Variants in PRRC1 observed in about 807,000 individuals in gnomAD.
PRRC1 encodes protein PRRC1.
A neutral mutation model predicts 40.7 loss-of-function variants in PRRC1; 39 were observed. That is an observed-to-expected ratio of 0.96 (90% CI 0.74 to 1.25). The LOEUF (loss-of-function observed/expected upper bound fraction) is 1.25. PRRC1 is among the 50% of genes most tolerant of loss of function. The probability of loss-of-function intolerance (pLI) is 0.00; values close to 1 mark genes in which losing one functional copy is unlikely to be tolerated. For synonymous variants in PRRC1, 175 were observed against 193.3 expected (o/e 0.91, Z 0.79); for missense variants, 573 against 548.3 (o/e 1.05, Z -0.45).
At chr5:127,548,205 G>T (rs1212091192) in intron 8 of PRRC1, 11 of 520,178 alleles carry the variant, frequency 2.1e-5, no homozygotes, top group Middle Eastern at 4.9e-4. Flanking sequence ...TTCTGGAAAA[G>T]ATTTACCTTT....
chr5:127,518,670 G>A (rs73333154), intron 1 of PRRC1, among the ~76,000 whole-genome samples: 3,038 of 151,828 alleles, frequency 0.02, 99 homozygotes, highest in African/African-American at 0.07. Context: ...TGCTCTTAAT[G>A]CTTTAAAGTT....
chr5:127,524,767 A>G lies in PRRC1; in HGVS notation c.340A>G (p.Thr114Ala), dbSNP rs374637146. The G allele has an allele frequency of 2.4e-4, 394 of 1,613,648 alleles. No individual in the cohort carries two copies. Among genetic ancestry groups the G allele is most frequent in the Non-Finnish European group, 3.2e-4 (379 of 1,179,952 alleles). Residue 114 changes from threonine to alanine, a missense_variant, in exon 3 of 9, where the codon ACT becomes GCT. Transcript: ENST00000296666. ...NPPVSHFPPS[T>A]SAPNTLLPAP... ...TCCTGTATCTCACTTCCCACCTTCA[A>G]CTTCTGCCCCAAACACTCTTTTACC...
At chr5:127,530,231 T>A in intron 4 of PRRC1, 63 bp from the exon 5 acceptor site, 1 of 1,439,812 alleles carries the variant, frequency 6.9e-7, no homozygotes, top group Non-Finnish European at 9.6e-7. Context: ...TTCTTCACAA[T>A]CATGAAGATC....
intron 6 of PRRC1, among the ~76,000 whole-genome samples, chr5:127,537,940 C>T (rs1580941747): frequency 6.6e-6 from 1 of 152,034 alleles, no homozygotes; most frequent in South Asian, 2.1e-4. Flanking sequence ...TATTTGTATT[C>T]TTAACATTGA....
intron 7 of PRRC1, among the ~76,000 whole-genome samples, chr5:127,547,109 TTTA>T (rs1438887980): frequency 1.3e-5 from 2 of 152,128 alleles, no homozygotes; most frequent in African/African-American, 4.8e-5. Flanking sequence ...TTCATATCCT[TTTA>T]TTGTTTAAAT....
chr5:127,550,692 A>G (rs752164099), intron 8 of PRRC1: 6 of 152,224 alleles, frequency 3.9e-5, no homozygotes, highest in South Asian at 2.1e-4. Context: ...TAGGCATGCC[A>G]TAATTTGAGA....
At chr5:127,530,194 G>A in intron 4 of PRRC1, 100 bp from the exon 5 acceptor site, 1 of 824,622 alleles carries the variant, frequency 1.2e-6, no homozygotes, top group South Asian at 1.7e-5. Flanking sequence ...ACTGGTTTAG[G>A]ATGCATTGGA....
intron 1 of PRRC1, among the ~76,000 whole-genome samples, chr5:127,520,162 C>T (rs1767421794): frequency 6.6e-6 from 1 of 152,198 alleles, no homozygotes; most frequent in Admixed American, 6.5e-5. Context: ...TATTCCTAAC[C>T]TCTTCATGCT....
intron 7 of PRRC1, among the ~76,000 whole-genome samples, 170 bp from the exon 8 acceptor site, chr5:127,547,644 CAGAGT>C (rs72094974): frequency 0.3 from 45,407 of 151,382 alleles, 7,072 homozygotes; most frequent in East Asian, 0.54. Context: ...AGAATTAATA[CAGAGT>C]AATTTTATCT....
intron 1 of PRRC1, among the ~76,000 whole-genome samples, chr5:127,521,011 C>T (rs1420041186): frequency 1.3e-5 from 2 of 152,046 alleles, no homozygotes; most frequent in East Asian, 1.9e-4. Flanking sequence ...TTATGCTACC[C>T]TCAGCTTGAA....
chr5:127,529,681 T>C (rs1767713504), intron 4 of PRRC1, among the ~76,000 whole-genome samples: 1 of 152,146 alleles, frequency 6.6e-6, no homozygotes, highest in Non-Finnish European at 1.5e-5. Flanking sequence ...CAAGACTTGG[T>C]TCCTTTTAGT....
In PRRC1 at chr5:127,526,852, A is replaced by G. The variant is rs1767631378; in HGVS notation, c.654+74A>G. On this transcript the variant is annotated intron_variant, in intron 4 of 8. Transcript: ENST00000296666. ...TAGATATTCATTAGAGAAAATATTG[A>G]AAATACAGGATGGCACAAGGAAAAA... is the stretch of plus-strand genomic sequence containing the variant. The G allele has an allele frequency of 4.8e-6, 6 of 1,243,328 alleles. No homozygotes were observed. In the South Asian group the frequency reaches 1.1e-4, roughly 24 times the overall value. The allele number at this position is 1,243,328 out of a possible 1,614,324, so 77.0% of individuals were successfully genotyped here.
rs889955059 is a variant in PRRC1 at position 127,554,858 on chromosome 5, T to A, written c.*2942T>A. ...TTAATATGCTGTTGAATCTACTCTGTTCCTTGGCTAGAAAAAATTATAAAC... is the reference window on the plus strand; with the variant it reads ...TTAATATGCTGTTGAATCTACTCTGATCCTTGGCTAGAAAAAATTATAAAC... On this transcript the variant is annotated 3_prime_UTR_variant, in exon 9 of 9. Coordinates refer to ENST00000296666, the MANE Select transcript of PRRC1 (RefSeq NM_130809.5). The A allele has an allele frequency of 6.6e-6, 1 of 152,624 alleles. No individual in the cohort carries two copies. Among genetic ancestry groups the A allele is most frequent in the Non-Finnish European group, 1.5e-5 (1 of 68,024 alleles). The allele number at this position is 152,624 out of a possible 1,614,324, so 9.5% of individuals were successfully genotyped here. A position where few individuals can be genotyped will look rare whatever the true frequency, so the allele number is the denominator to read the frequency against.
At chr5:127,528,059 T>G (rs775540212) in intron 4 of PRRC1, among the ~76,000 whole-genome samples, 1 of 152,120 alleles carries the variant, frequency 6.6e-6, no homozygotes, top group Non-Finnish European at 1.5e-5. Context: ...CTCGTATGAT[T>G]TTTAGCCATT....
intron 3 of PRRC1, 76 bp from the exon 4 acceptor site, chr5:127,526,542 T>G (rs1767618054): frequency 8.9e-7 from 1 of 1,121,360 alleles, no homozygotes; most frequent in Admixed American, 2.3e-5. Flanking sequence ...ATATTAAAGT[T>G]GTTTGAGCCA....
At chr5:127,520,173 A>G (rs1241125891) in intron 1 of PRRC1, among the ~76,000 whole-genome samples, 1 of 152,242 alleles carries the variant, frequency 6.6e-6, no homozygotes, top group Non-Finnish European at 1.5e-5. Context: ...TCTTCATGCT[A>G]TATGCCAGTA....
chr5:127,545,470 G>A (rs901596103), intron 7 of PRRC1, among the ~76,000 whole-genome samples: 24 of 152,048 alleles, frequency 1.6e-4, no homozygotes, highest in Non-Finnish European at 3.5e-4. Context: ...AAAATGATGA[G>A]TTCATGTCCT....
chr5:127,548,316 C>T (rs1270918099), intron 8 of PRRC1: 3 of 361,412 alleles, frequency 8.3e-6, no homozygotes, highest in African/African-American at 6.3e-5. Context: ...GATTGTCCTC[C>T]TGTTCATCTT....
chr5:127,534,207 T>A (rs892986769), intron 6 of PRRC1, among the ~76,000 whole-genome samples: 3 of 152,274 alleles, frequency 2.0e-5, no homozygotes, highest in East Asian at 1.9e-4. Flanking sequence ...CTTTGTGTTA[T>A]TACCAGCATA....
Sources: gnomAD v4.1 joint callset for allele counts (sites outside exome capture counted in the v4.1 genomes callset) on GRCh38, gnomAD v4.1.1 for gene constraint, MANE v1.5 for transcripts, NCBI Gene and HGNC (gene_info 2026-07-23, HGNC 2026-07-21) for gene names.